DCP1A: variants seen among roughly 807,000 people sequenced by gnomAD.
DCP1A encodes decapping mRNA 1A, also known as mRNA-decapping enzyme 1A.
Under a neutral mutation model 58.0 loss-of-function variants are expected in DCP1A, and 20 were observed. The ratio of observed to expected loss-of-function variants is 0.34; its 90% CI spans 0.24 to 0.50. The LOEUF (loss-of-function observed/expected upper bound fraction) is 0.50. Among genes scored for constraint, DCP1A ranks in the 20% least tolerant of loss-of-function variants. DCP1A has a pLI of 0.98. For synonymous variants in DCP1A, 285 were observed against 275.1 expected (o/e 1.04, Z -0.36); for missense variants, 613 against 712.2 (o/e 0.86, Z 1.59).
chr3:53,325,350 C>T (rs782518850), intron 3 of DCP1A, among the ~76,000 whole-genome samples: 34 of 152,254 alleles, frequency 2.2e-4, no homozygotes, highest in Non-Finnish European at 3.5e-4. Context: ...TTAGATCTAA[C>T]CTACTTTCTA....
chr3:53,328,899 C>G (rs1313165202), intron 3 of DCP1A: 1 of 152,958 alleles, frequency 6.5e-6, no homozygotes, highest in Non-Finnish European at 1.5e-5. Flanking sequence ...GCCACAGACC[C>G]TTTCTCCTTC....
At chr3:53,309,196 C>T (rs782501213) in intron 5 of DCP1A, among the ~76,000 whole-genome samples, 1 of 151,584 alleles carries the variant, frequency 6.6e-6, no homozygotes, top group Non-Finnish European at 1.5e-5. Flanking sequence ...ATGGTGAAAC[C>T]CTGTCTCTAC....
chr3:53,293,129 A>C (rs1478591277), intron 6 of DCP1A, among the ~76,000 whole-genome samples: 1 of 152,206 alleles, frequency 6.6e-6, no homozygotes, highest in Non-Finnish European at 1.5e-5. Context: ...CCTCATGTCA[A>C]CAACACACAG....
rs1475391482 is a variant in DCP1A at position 53,342,238 on chromosome 3, C to A, written c.210G>T (p.Val70=). The A allele has an allele frequency of 1.9e-6, 3 of 1,603,744 alleles. No homozygotes were observed. Among genetic ancestry groups the A allele is most frequent in the South Asian group, 1.1e-5 (1 of 89,682 alleles). Residue 70 remains valine (V), a synonymous_variant, in exon 3 of 10, where the codon GTG becomes GTT. Coordinates refer to ENST00000610213, the MANE Select transcript of DCP1A (RefSeq NM_018403.7). The part of the protein sequence containing the change: ...SASPYHGFTI[V]NRLNMHNLVE... ...CTAGATTGTGCATATTTAGTCGATT[C>A]ACAATGGTAAAACCATGGTAAGGGG...
At chr3:53,336,801 T>C (rs1441097849) in intron 3 of DCP1A, among the ~76,000 whole-genome samples, 1 of 152,202 alleles carries the variant, frequency 6.6e-6, no homozygotes, top group African/African-American at 2.4e-5. Context: ...GGAAGTCCCA[T>C]GGTTATTTTT....
chr3:53,346,542 G>C (rs1274556117), intron 1 of DCP1A, among the ~76,000 whole-genome samples: 1 of 152,172 alleles, frequency 6.6e-6, no homozygotes, highest in Non-Finnish European at 1.5e-5. Flanking sequence ...GAGTTAATTA[G>C]GAAGGGTCAA....
intron 5 of DCP1A, among the ~76,000 whole-genome samples, chr3:53,310,048 A>G (rs913143502): frequency 6.6e-6 from 1 of 152,244 alleles, no homozygotes; most frequent in African/African-American, 2.4e-5. Flanking sequence ...ATGAGATGAT[A>G]GACAAATGCA....
At chr3:53,325,352 T>C (rs1276415493) in intron 3 of DCP1A, among the ~76,000 whole-genome samples, 7 of 152,196 alleles carry the variant, frequency 4.6e-5, no homozygotes, top group African/African-American at 1.7e-4. Context: ...AGATCTAACC[T>C]ACTTTCTAGA....
intron 4 of DCP1A, among the ~76,000 whole-genome samples, chr3:53,315,534 CAAAAAAAA>C (rs1211486616): frequency 1.5e-3 from 98 of 65,002 alleles, no homozygotes; most frequent in African/African-American, 6.2e-3. Context: ...GACTCTGTCT[CAAAAAAAA>C]AAAAAAAAAA....
At chr3:53,313,935 T>C (rs1402091213) in intron 4 of DCP1A, among the ~76,000 whole-genome samples, 4 of 152,174 alleles carry the variant, frequency 2.6e-5, no homozygotes, top group Non-Finnish European at 5.9e-5. Flanking sequence ...GAGTTTGATA[T>C]GTTGCCCTGG....
At chr3:53,320,868 AC>A (rs1707944731) in intron 3 of DCP1A, among the ~76,000 whole-genome samples, 1 of 152,344 alleles carries the variant, frequency 6.6e-6, no homozygotes, top group South Asian at 2.1e-4. Context: ...CATAAATGAA[AC>A]CACAGAAGTC....
rs1553685129 is a variant in DCP1A, at chr3:53,286,571, ATTTTC to A, written c.*1004_*1008del. On this transcript the variant is annotated 3_prime_UTR_variant, in exon 10 of 10. Transcript: ENST00000610213. ...ATACATTGGTAGAGTTCGGAATCAC[ATTTTC>A]TTTTAACTCCATAATTCTACAACAA... 1 of 152,186 alleles carries A rather than the reference ATTTTC, an allele frequency of 6.6e-6. No homozygotes were observed. Among genetic ancestry groups the A allele is most frequent in the Non-Finnish European group, 1.5e-5 (1 of 68,042 alleles). The allele number at this position is 152,186 out of a possible 1,614,324, so 9.4% of individuals were successfully genotyped here.
At chr3:53,290,878 G>A in intron 7 of DCP1A, 22 bp from the exon 8 acceptor site, 1 of 1,587,764 alleles carries the variant, frequency 6.3e-7, no homozygotes. Flanking sequence ...ATGAAGAAAA[G>A]ACAGACGGAT....
intron 3 of DCP1A, among the ~76,000 whole-genome samples, chr3:53,325,564 A>G (rs1708083517): frequency 6.6e-6 from 1 of 152,262 alleles, no homozygotes; most frequent in Non-Finnish European, 1.5e-5. Flanking sequence ...CAGGAAACAA[A>G]AACAAGAAAA....
intron 4 of DCP1A, among the ~76,000 whole-genome samples, chr3:53,315,744 G>GA (rs1707785338): frequency 2.1e-5 from 2 of 95,416 alleles, no homozygotes; most frequent in African/African-American, 4.2e-5. Flanking sequence ...TCAGTTTGTT[G>GA]TTTTTTTTTT....
At position 53,304,299 on chromosome 3, in the gene DCP1A, A is replaced by G; in HGVS notation, c.511-9T>C. The G allele has an allele frequency of 6.3e-7, 1 of 1,597,696 alleles. No homozygotes were observed. The highest frequency in any genetic ancestry group is 8.6e-7 in the Non-Finnish European group (1 of 1,167,672). ...GAGTCACCCATCTGATTCTTTAAAA[A>G]GTTAAAAGAAAAAAATATATCTTGT... On this transcript the variant is annotated splice_polypyrimidine_tract_variant and intron_variant, in intron 5 of 9. Transcript: ENST00000610213.
chr3:53,342,937 A>C (rs1200951984), intron 2 of DCP1A, among the ~76,000 whole-genome samples: 1 of 152,214 alleles, frequency 6.6e-6, no homozygotes, highest in Non-Finnish European at 1.5e-5. Context: ...GCTGCCCATC[A>C]TTACAATAAT....
intron 3 of DCP1A, among the ~76,000 whole-genome samples, chr3:53,332,522 G>C (rs1488967891): frequency 2.0e-5 from 3 of 151,886 alleles, no homozygotes; most frequent in Non-Finnish European, 4.4e-5. Flanking sequence ...TTCTTTTTAT[G>C]GTTGTTGTTA....
intron 3 of DCP1A, among the ~76,000 whole-genome samples, chr3:53,339,082 C>T (rs1184321303): frequency 6.6e-5 from 10 of 152,078 alleles, no homozygotes; most frequent in African/African-American, 2.2e-4. Context: ...GGTATAATTA[C>T]CTGTATGCAT....
Sources: allele counts gnomAD v4.1 joint callset (sites outside exome capture counted in the v4.1 genomes callset), GRCh38; gene constraint gnomAD v4.1.1; transcripts MANE v1.5; gene names NCBI Gene and HGNC (gene_info 2026-07-23, HGNC 2026-07-21).